Variants in ZXDC observed in about 807,000 individuals in gnomAD.
ZXDC encodes the protein ZXD family zinc finger C.
Under a neutral mutation model 63.6 loss-of-function variants are expected in ZXDC, and 58 were observed. That is an observed-to-expected ratio of 0.91 (90% CI 0.74 to 1.13). The LOEUF (loss-of-function observed/expected upper bound fraction) is 1.13, where lower values mean the gene tolerates loss of function less well. Among genes scored for constraint, ZXDC ranks in the 50% most tolerant of loss-of-function variants. The probability of loss-of-function intolerance (pLI) is 0.00; values close to 1 mark genes in which losing one functional copy is unlikely to be tolerated. For synonymous variants in ZXDC, 561 were observed against 496.1 expected (o/e 1.13, Z -1.74); for missense variants, 1,133 against 1,148.9 (o/e 0.99, Z 0.20).
intron 1 of ZXDC, among the ~76,000 whole-genome samples, chr3:126,473,698 T>A (rs573733155): frequency 6.6e-6 from 1 of 152,196 alleles, no homozygotes; most frequent in East Asian, 1.9e-4. Flanking sequence ...AGGGAAAAAA[T>A]AATAAAACCC....
At chr3:126,444,278 A>G (rs898125597) in intron 7 of ZXDC, among the ~76,000 whole-genome samples, 2 of 152,240 alleles carry the variant, frequency 1.3e-5, no homozygotes, top group South Asian at 2.1e-4. Context: ...CACGCCTGTA[A>G]TCCCAGCGCT....
At position 126,475,286 on chromosome 3, in the gene ZXDC, C is replaced by T; in HGVS notation, c.580G>A (p.Val194Met). The T allele has an allele frequency of 6.4e-7, 1 of 1,551,134 alleles. No homozygotes were observed. ...CCGCCGCCGTGCGTGAGCAGGTGCA[C>T]CTTGAGCTGGTGCTTCTTGGCGAAG... is the stretch of plus-strand genomic sequence containing the variant. ...LAFAKKHQLK[V>M]HLLTHGGGQG... The change falls in exon 1 of 10, where the codon GTG becomes ATG. Residue 194 changes from valine to methionine, a missense_variant. Transcript: ENST00000389709.
chr3:126,456,971 C>T (rs551926617), intron 7 of ZXDC, among the ~76,000 whole-genome samples: 10 of 152,302 alleles, frequency 6.6e-5, no homozygotes, highest in African/African-American at 1.4e-4. Context: ...CAACCCAGCC[C>T]GGGTCTCATC....
At chr3:126,462,889 CCCCTAGACGGAGCTTTT>C (rs1481433455) in intron 5 of ZXDC, among the ~76,000 whole-genome samples, 4 of 152,086 alleles carry the variant, frequency 2.6e-5, no homozygotes, top group Non-Finnish European at 5.9e-5. Flanking sequence ...TGCTGGGGGC[CCCCTAGACGGAGCTTTT>C]CCTGATGGGC....
At chr3:126,473,362 C>G (rs1935048010) in intron 1 of ZXDC, among the ~76,000 whole-genome samples, 1 of 152,212 alleles carries the variant, frequency 6.6e-6, no homozygotes, top group Admixed American at 6.5e-5. Context: ...TCAGAAAACT[C>G]AGGTCTGGGC....
intron 8 of ZXDC, chr3:126,440,238 C>G (rs752766135): frequency 1.6e-4 from 161 of 993,422 alleles, no homozygotes; most frequent in Non-Finnish European, 1.9e-4. Flanking sequence ...GAAACTTCAT[C>G]TGTCCCACAC....
At chr3:126,465,618 G>A (rs1028547594) in intron 5 of ZXDC, among the ~76,000 whole-genome samples, 6 of 152,248 alleles carry the variant, frequency 3.9e-5, no homozygotes, top group African/African-American at 1.4e-4. Context: ...GCTAGGGAAA[G>A]TCAACAAAGT....
chr3:126,439,670 G>GT lies in ZXDC; in HGVS notation c.2451_2452insA (p.Pro818ThrfsTer61), dbSNP rs1560086807. The GT allele has an allele frequency of 6.4e-7, 1 of 1,553,742 alleles. No homozygotes were observed. The highest frequency in any genetic ancestry group is 2.0e-5 in the Admixed American group (1 of 51,250). ...ACGGGCAGGTCCACAGTGAGGAAGG[G>GT]GAGGAAGGTGGCTGGGCCGCGGGCC... On this transcript the variant is annotated frameshift_variant, in exon 9 of 10. Coordinates refer to ENST00000389709, the MANE Select transcript of ZXDC (RefSeq NM_025112.5). LOFTEE classifies it low-confidence loss of function (END_TRUNC).
At chr3:126,445,020 C>T (rs966605662) in intron 7 of ZXDC, among the ~76,000 whole-genome samples, 1 of 152,154 alleles carries the variant, frequency 6.6e-6, no homozygotes, top group Non-Finnish European at 1.5e-5. Flanking sequence ...TTGGTTTCAA[C>T]TTCTGTATCA....
intron 6 of ZXDC, chr3:126,460,117 C>G: frequency 1.0e-6 from 1 of 985,434 alleles, no homozygotes; most frequent in Non-Finnish European, 1.2e-6. Flanking sequence ...CTGTTTCACA[C>G]ACGTGCATGG....
chr3:126,440,240 G>T (rs1175549359), intron 8 of ZXDC: 7 of 993,262 alleles, frequency 7.0e-6, no homozygotes, highest in Non-Finnish European at 8.4e-6. Context: ...AACTTCATCT[G>T]TCCCACACTT....
At chr3:126,463,881 AT>A (rs1415529025) in intron 5 of ZXDC, among the ~76,000 whole-genome samples, 2 of 152,244 alleles carry the variant, frequency 1.3e-5, no homozygotes, top group Non-Finnish European at 2.9e-5. Flanking sequence ...AGAAAATCAA[AT>A]TCAGAATGTA....
chr3:126,465,768 T>TA (rs1485070460), intron 5 of ZXDC, among the ~76,000 whole-genome samples: 4 of 152,030 alleles, frequency 2.6e-5, no homozygotes, highest in African/African-American at 4.8e-5. Flanking sequence ...CTGAGCAACA[T>TA]AGTGAAACCC....
chr3:126,457,764 A>C, intron 7 of ZXDC: 1 of 604,120 alleles, frequency 1.7e-6, no homozygotes, highest in Non-Finnish European at 2.1e-6. Context: ...CCCCTAAGAA[A>C]TGAGTGGATC....
At chr3:126,444,732 C>T (rs748374977) in intron 7 of ZXDC, among the ~76,000 whole-genome samples, 8 of 152,140 alleles carry the variant, frequency 5.3e-5, no homozygotes, top group Non-Finnish European at 8.8e-5. Flanking sequence ...GTGTACGCCA[C>T]GCTCTAAGTT....
In ZXDC at chr3:126,471,015, C is replaced by T. The variant is rs1439178464; in HGVS notation, c.1150G>A (p.Asp384Asn). ...KLLRHRRKHD[D>N]DRRFTCPVEG... ...ACAGGGCAGGTAAACCTCCGGTCAT[C>T]GTCATGTTTCCTGCCAGACAGAAAA... The change falls in exon 4 of 10, where the codon GAT (aspartate) becomes AAT (asparagine). Residue 384 changes from aspartate to asparagine, a missense_variant. Physicochemically the swap from Asp to Asn is conservative, Grantham distance 23. Transcript: ENST00000389709. 6.2e-6 allele frequency: 10 copies of T among 1,613,960 alleles called. No individual in the cohort carries two copies. The highest frequency in any genetic ancestry group is 8.5e-6 in the Non-Finnish European group (10 of 1,179,834).
At chr3:126,471,912 C>CT in intron 3 of ZXDC, 61 bp downstream of exon 3, 1 of 1,376,762 alleles carries the variant, frequency 7.3e-7, no homozygotes, top group Non-Finnish European at 1.0e-6. Context: ...TCATTGGTTT[C>CT]TGCTGCTGAC....
At chr3:126,441,645 G>GGGGC (rs1933681118) in intron 8 of ZXDC, 120 bp downstream of exon 8, 1 of 1,427,700 alleles carries the variant, frequency 7.0e-7, no homozygotes, top group South Asian at 1.6e-5. Context: ...GGATGCACGA[G>GGGGC]GGGCAGGCAG....
At chr3:126,451,224 A>G in intron 7 of ZXDC, 1 of 985,426 alleles carries the variant, frequency 1.0e-6, no homozygotes, top group Non-Finnish European at 1.2e-6. Context: ...AACACTCAGG[A>G]AAACACCACT....
Sources: allele counts gnomAD v4.1 joint callset (sites outside exome capture counted in the v4.1 genomes callset), GRCh38; gene constraint gnomAD v4.1.1; transcripts MANE v1.5; gene names NCBI Gene and HGNC (gene_info 2026-07-23, HGNC 2026-07-21).